The following PTPRG variants were observed in gnomAD, a reference collection of about 807,000 sequenced individuals.
PTPRG encodes protein tyrosine phosphatase receptor type G.
Under a neutral mutation model 165.3 loss-of-function variants are expected in PTPRG, and 102 were observed. The ratio of observed to expected loss-of-function variants is 0.62; its 90% confidence interval spans 0.53 to 0.73. The LOEUF (loss-of-function observed/expected upper bound fraction) is 0.73. PTPRG is among the 30% of genes least tolerant of loss of function. The pLI is 0.00. For missense variants in PTPRG, 1,866 were observed against 1,861.4 expected, an observed-to-expected ratio of 1.00 and a Z score of -0.05; for synonymous variants, 675 against 669.5, an observed-to-expected ratio of 1.01 and a Z score of -0.13.
At chr3:62,092,291 T>C (rs1411395094) in intron 5 of PTPRG, among the ~76,000 whole-genome samples, 1 of 151,112 alleles carries the variant, frequency 6.6e-6, no homozygotes, top group African/African-American at 2.4e-5. Flanking sequence ...AATACAAAAT[T>C]TAGCTGGCCG....
chr3:61,636,505 A>G (rs1216917228), intron 1 of PTPRG, among the ~76,000 whole-genome samples: 1 of 152,192 alleles, frequency 6.6e-6, no homozygotes, highest in Non-Finnish European at 1.5e-5. Context: ...TATTTTTAGT[A>G]GAGACTGGGT....
intron 26 of PTPRG, among the ~76,000 whole-genome samples, chr3:62,279,971 A>G (rs1422763171): frequency 6.6e-6 from 1 of 152,056 alleles, no homozygotes; most frequent in Non-Finnish European, 1.5e-5. Flanking sequence ...CATCATAATC[A>G]TATTTCTCAC....
chr3:62,031,202 C>A (rs576305166), intron 4 of PTPRG, among the ~76,000 whole-genome samples: 1 of 152,216 alleles, frequency 6.6e-6, no homozygotes, highest in South Asian at 2.1e-4. Context: ...ATTCTAATTA[C>A]AATTGTAATA....
chr3:62,062,664 A>G (rs1253800274), intron 4 of PTPRG, among the ~76,000 whole-genome samples: 1 of 95,862 alleles, frequency 1.0e-5, no homozygotes, highest in African/African-American at 3.4e-5. Context: ...CATCTCATAG[A>G]TTTTATGGCA....
intron 2 of PTPRG, among the ~76,000 whole-genome samples, chr3:61,806,066 G>T (rs1346856886): frequency 6.6e-6 from 1 of 152,286 alleles, no homozygotes; most frequent in Middle Eastern, 3.4e-3. Flanking sequence ...TCTGGAACAG[G>T]CCCTTTGTAG....
intron 12 of PTPRG, among the ~76,000 whole-genome samples, chr3:62,215,788 A>G (rs1190959436): frequency 6.6e-6 from 1 of 152,146 alleles, no homozygotes; most frequent in Admixed American, 6.5e-5. Flanking sequence ...GACAGACATT[A>G]TCACCAACAC....
intron 5 of PTPRG, among the ~76,000 whole-genome samples, chr3:62,085,523 GA>G (rs1416457627): frequency 6.6e-6 from 1 of 152,196 alleles, no homozygotes; most frequent in East Asian, 1.9e-4. Flanking sequence ...GGTGATGAGT[GA>G]AGAGGGTTTT....
chr3:62,063,292 T>C (rs1293850494), intron 4 of PTPRG, among the ~76,000 whole-genome samples: 1 of 152,228 alleles, frequency 6.6e-6, no homozygotes, highest in Non-Finnish European at 1.5e-5. Flanking sequence ...TTTTGAACTA[T>C]GATCAAAGCT....
intron 1 of PTPRG, among the ~76,000 whole-genome samples, chr3:61,676,847 T>C (rs1053921222): frequency 6.6e-6 from 1 of 152,176 alleles, no homozygotes; most frequent in Non-Finnish European, 1.5e-5. Context: ...ATTTCTTTTA[T>C]TGGCTTCCAT....
At chr3:62,221,492 T>C (rs1700650169) in intron 13 of PTPRG, among the ~76,000 whole-genome samples, 1 of 152,228 alleles carries the variant, frequency 6.6e-6, no homozygotes. Flanking sequence ...TTATTATTAA[T>C]GCGAAAGAAG....
intron 2 of PTPRG, among the ~76,000 whole-genome samples, chr3:61,825,480 G>C (rs897751447): frequency 6.6e-6 from 1 of 152,096 alleles, no homozygotes; most frequent in Admixed American, 6.6e-5. Flanking sequence ...TTGTTTTGAT[G>C]GTTTTACAAT....
intron 2 of PTPRG, among the ~76,000 whole-genome samples, chr3:61,797,821 G>T (rs1247547859): frequency 6.6e-6 from 1 of 151,876 alleles, no homozygotes; most frequent in Non-Finnish European, 1.5e-5. Flanking sequence ...CCCCTCCTGG[G>T]TTACCTGATC....
At chr3:61,671,579 T>C (rs1342292641) in intron 1 of PTPRG, among the ~76,000 whole-genome samples, 1 of 147,850 alleles carries the variant, frequency 6.8e-6, no homozygotes, top group Non-Finnish European at 1.5e-5. Context: ...TTCTCAATCT[T>C]TTCCCCACCT....
At chr3:61,813,793 G>A (rs1340715245) in intron 2 of PTPRG, among the ~76,000 whole-genome samples, 8 of 151,978 alleles carry the variant, frequency 5.3e-5, no homozygotes, top group African/African-American at 1.4e-4. Flanking sequence ...GCAAGGTCTC[G>A]AAGTGGTTTG....
At chr3:62,018,211 A>G (rs1339726993) in intron 4 of PTPRG, among the ~76,000 whole-genome samples, 1 of 152,242 alleles carries the variant, frequency 6.6e-6, no homozygotes. Context: ...CCAAATGTAC[A>G]TCAGAATTAA....
At chr3:61,878,721 C>T (rs187892471) in intron 2 of PTPRG, among the ~76,000 whole-genome samples, 1 of 152,170 alleles carries the variant, frequency 6.6e-6, no homozygotes, top group East Asian at 1.9e-4. Flanking sequence ...CCGGGTTGGT[C>T]TCGAACTCCT....
Position 62,031,116 on chromosome 3 carries a change from AT to A in PTPRG, c.519+27620del, listed in dbSNP as rs533065042. 1.5e-3 allele frequency among the ~76,000 whole-genome samples: 227 copies of A among 152,354 alleles called. 1 individual carries two copies. Among genetic ancestry groups the A allele is most frequent in the African/African-American group, 5.2e-3 (217 of 41,580 alleles). ...AAAGTATTGAAGGAAGGATGAACAAATACGTAATCAACAAATAGGTGTTTAG... is the reference window on the plus strand; with the variant it reads ...AAAGTATTGAAGGAAGGATGAACAAAACGTAATCAACAAATAGGTGTTTAG... On this transcript the variant is annotated intron_variant, in intron 4 of 29. Coordinates refer to ENST00000474889, the MANE Select transcript of PTPRG (RefSeq NM_002841.4).
chr3:62,042,787 G>A (rs933451820), intron 4 of PTPRG, among the ~76,000 whole-genome samples: 2 of 152,076 alleles, frequency 1.3e-5, no homozygotes, highest in Non-Finnish European at 2.9e-5. Flanking sequence ...TAGGCCCTAC[G>A]AATCCCTGTG....
At chr3:62,183,116 G>T (rs969129281) in intron 8 of PTPRG, among the ~76,000 whole-genome samples, 2 of 152,236 alleles carry the variant, frequency 1.3e-5, no homozygotes, top group African/African-American at 4.8e-5. Context: ...GCAAGTGAAT[G>T]AATGACCCTC....
Sources: gnomAD v4.1 joint callset for allele counts (sites outside exome capture counted in the v4.1 genomes callset) on GRCh38, gnomAD v4.1.1 for gene constraint, MANE v1.5 for transcripts, NCBI Gene and HGNC (gene_info 2026-07-23, HGNC 2026-07-21) for gene names.